The following VIPAS39 variants were observed in gnomAD, a reference collection of about 807,000 sequenced individuals.
VIPAS39 encodes VPS33B interacting protein, apical-basolateral polarity regulator, spe-39 homolog, also known as spermatogenesis-defective protein 39 homolog.
Under a neutral mutation model 84.7 loss-of-function variants are expected in VIPAS39, and 63 were observed. The ratio of observed to expected loss-of-function variants is 0.74; its 90% CI spans 0.61 to 0.92. The LOEUF is 0.92. Among genes scored for constraint, VIPAS39 ranks in the 40% least tolerant of loss-of-function variants. VIPAS39 has a pLI of 0.00. For synonymous variants in VIPAS39, 192 were observed against 216.5 expected (o/e 0.89, Z 0.99); for missense variants, 499 against 604.5 (o/e 0.83, Z 1.83).
At chr14:77,427,837 CT>C (rs1226105295) in intron 19 of VIPAS39, among the ~76,000 whole-genome samples, 1 of 152,104 alleles carries the variant, frequency 6.6e-6, no homozygotes, top group Non-Finnish European at 1.5e-5. Context: ...CATTAAACAC[CT>C]ATTTTGTATT....
chr14:77,445,234 C>T (rs1264537923), intron 7 of VIPAS39, among the ~76,000 whole-genome samples: 1 of 152,168 alleles, frequency 6.6e-6, no homozygotes, highest in Non-Finnish European at 1.5e-5. Flanking sequence ...GCTGGGATTA[C>T]AGGCGTGAGC....
intron 19 of VIPAS39, 28 bp downstream of exon 19, chr14:77,428,342 G>T: frequency 6.3e-7 from 1 of 1,594,394 alleles, no homozygotes; most frequent in Non-Finnish European, 8.6e-7. Flanking sequence ...TCCTGAGCCT[G>T]CTGGAGGGGT....
intron 3 of VIPAS39, among the ~76,000 whole-genome samples, chr14:77,452,410 AT>A (rs982167884): frequency 0.033 from 4,869 of 148,200 alleles, 254 homozygotes; most frequent in African/African-American, 0.11. Flanking sequence ...TAGACCTTTA[AT>A]TTTTTTTTTT....
At position 77,457,479 on chromosome 14, in the gene VIPAS39, C is replaced by G; in HGVS notation, c.-1+16G>C. The G allele has an allele frequency of 7.5e-7, 1 of 1,338,222 alleles. No homozygotes were observed. Among genetic ancestry groups the G allele is most frequent in the Non-Finnish European group, 1.0e-6 (1 of 970,716 alleles). The allele number at this position is 1,338,222 out of a possible 1,614,324, so 82.9% of individuals were successfully genotyped here. ...CCAGCCAGATACGCGACCCAAGGGG[C>G]TTGGGACACCCTCACCTCTTCCGCA... On this transcript the variant is annotated intron_variant, in intron 1 of 19. Transcript: ENST00000557658.
rs952401541 is a variant in VIPAS39 at position 77,435,500 on chromosome 14, G to A, written c.913-107C>T. ...AGCAGTTGTGTTTCCCACCCTAGGA[G>A]AGAAACAAAGAACAGAAAAAGAAAG... On this transcript the variant is annotated intron_variant, in intron 13 of 19. Coordinates refer to ENST00000557658, the MANE Select transcript of VIPAS39 (RefSeq NM_001193315.2). The A allele has an allele frequency of 1.1e-5, 16 of 1,443,402 alleles. No homozygotes were observed. In the Admixed American group the frequency reaches 3.2e-4, roughly 29 times the overall value. The allele number at this position is 1,443,402 out of a possible 1,614,324, so 89.4% of individuals were successfully genotyped here. A position where few individuals can be genotyped will look rare whatever the true frequency, so the allele number is the denominator to read the frequency against.
chr14:77,434,675 G>A (rs185194821), intron 14 of VIPAS39, among the ~76,000 whole-genome samples: 186 of 151,812 alleles, frequency 1.2e-3, no homozygotes, highest in African/African-American at 4.2e-3. Context: ...GGTGGATCAC[G>A]AGGTCAGGAG....
chr14:77,430,986 T>C (rs189244700), intron 16 of VIPAS39, among the ~76,000 whole-genome samples: 78 of 152,226 alleles, frequency 5.1e-4, no homozygotes, highest in African/African-American at 1.8e-3. Flanking sequence ...GATTTCCACA[T>C]GCAAAAGAAT....
At position 77,449,716 on chromosome 14, in the gene VIPAS39, T is replaced by C. The variant is rs766731139; in HGVS notation, c.380A>G (p.Asp127Gly). The change falls in exon 5 of 20, where the codon GAT (aspartate) becomes GGT (glycine). Residue 127 changes from aspartate to glycine, a missense_variant and splice_region_variant. Physicochemically the swap from Asp to Gly is moderately conservative, Grantham distance 94. Transcript: ENST00000557658. ...TTAAAAGAGGGTTCAATGCCTACCA[T>C]CAGAAAGGGACTGGAAACTTCCAGG... ...TRPGSFQSLS[D>G]ALSDTPAKSY... 1.2e-6 allele frequency: 2 copies of C among 1,613,966 alleles called. No individual in the cohort carries two copies. Among genetic ancestry groups the C allele is most frequent in the Non-Finnish European group, 8.5e-7 (1 of 1,179,982 alleles).
Position 77,451,350 on chromosome 14 carries a change from A to C in VIPAS39, c.197-17T>G. The C allele has an allele frequency of 6.2e-7, 1 of 1,614,162 alleles. No homozygotes were observed. Among genetic ancestry groups the C allele is most frequent in the Non-Finnish European group, 8.5e-7 (1 of 1,179,986 alleles). On this transcript the variant is annotated splice_polypyrimidine_tract_variant and intron_variant, in intron 3 of 19. Transcript: ENST00000557658. ...ATGAGATACCTGTGAGATAGTAAGA[A>C]CTACATCAGCAATTCTCATCCACAA...
chr14:77,448,282 C>T (rs1231106164), intron 7 of VIPAS39, among the ~76,000 whole-genome samples: 1 of 152,148 alleles, frequency 6.6e-6, no homozygotes, highest in South Asian at 2.1e-4. Context: ...ATGTACTTTT[C>T]CCTCTCATCC....
At chr14:77,456,504 A>C (rs904046933) in intron 1 of VIPAS39, among the ~76,000 whole-genome samples, 3 of 152,208 alleles carry the variant, frequency 2.0e-5, no homozygotes, top group Non-Finnish European at 2.9e-5. Context: ...GGGAGATTCC[A>C]TTTCCATGTT....
At chr14:77,448,742 T>C (rs1458854543) in intron 6 of VIPAS39, among the ~76,000 whole-genome samples, 192 bp from the exon 7 acceptor site, 3 of 152,074 alleles carry the variant, frequency 2.0e-5, no homozygotes, top group African/African-American at 4.8e-5. Context: ...AGGGGCAATA[T>C]AGATAGGAGG....
At chr14:77,446,192 T>C (rs1348978582) in intron 7 of VIPAS39, among the ~76,000 whole-genome samples, 1 of 152,258 alleles carries the variant, frequency 6.6e-6, no homozygotes, top group Admixed American at 6.5e-5. Context: ...GTCTATATTT[T>C]CTTCTAGAAG....
chr14:77,440,343 A>G (rs4243655), intron 11 of VIPAS39: 145,757 of 152,084 alleles, frequency 0.96, 70,136 homozygotes, highest in East Asian at 1. Context: ...TAATCTTAAC[A>G]CCTGGCCATT....
intron 11 of VIPAS39, among the ~76,000 whole-genome samples, chr14:77,440,707 C>T (rs538743135): frequency 1.3e-5 from 2 of 152,156 alleles, no homozygotes; most frequent in East Asian, 3.9e-4. Context: ...ATCTTGGAGG[C>T]GGGGGTTTGG....
intron 12 of VIPAS39, 108 bp from the exon 13 acceptor site, chr14:77,436,027 G>T: frequency 9.4e-7 from 1 of 1,061,122 alleles, no homozygotes; most frequent in Non-Finnish European, 1.5e-6. Context: ...TGCCTCACAA[G>T]TCTGATCTCA....
rs531784840 is a variant in VIPAS39 at position 77,457,229 on chromosome 14, G to A, written c.-1+266C>T. The A allele has an allele frequency of 1.1e-5, 17 of 1,527,214 alleles. 1 individual carries two copies. The South Asian group carries it at 1.8e-4, about 16-fold the overall frequency. 94.6% of individuals were successfully genotyped at this position (1,527,214 alleles called of 1,614,324 possible). A position where few individuals can be genotyped will look rare whatever the true frequency, so the allele number is the denominator to read the frequency against. ...ACGTCCAGGAAGCCATGGATCTACC[G>A]CAGTCGTCAGAGCCCAGCGGATCCC... On this transcript the variant is annotated intron_variant, in intron 1 of 19. Transcript: ENST00000557658.
chr14:77,455,182 G>T (rs2078941895), intron 1 of VIPAS39, among the ~76,000 whole-genome samples: 1 of 152,072 alleles, frequency 6.6e-6, no homozygotes, highest in African/African-American at 2.4e-5. Context: ...AACAAGTTTT[G>T]CCCTAGAATT....
intron 12 of VIPAS39, among the ~76,000 whole-genome samples, chr14:77,437,039 T>G (rs568370231): frequency 1.2e-4 from 19 of 152,306 alleles, no homozygotes; most frequent in Middle Eastern, 6.8e-3. Flanking sequence ...CCAGAGGCCA[T>G]ATAACATATC....
Sources: gnomAD v4.1 joint callset for allele counts (sites outside exome capture counted in the v4.1 genomes callset) on GRCh38, gnomAD v4.1.1 for gene constraint, MANE v1.5 for transcripts, NCBI Gene and HGNC (gene_info 2026-07-23, HGNC 2026-07-21) for gene names.